Variants in PCDHGA6 observed in about 807,000 individuals in gnomAD.
PCDHGA6 encodes protocadherin gamma-A6.
PCDHGA6 carries 41 observed loss-of-function variants against 60.6 expected under a neutral mutation model. The observed-to-expected ratio is 0.68, with a 90% CI of 0.53 to 0.88. The LOEUF is 0.88. PCDHGA6 is among the 40% of genes least tolerant of loss of function. The pLI, the probability that PCDHGA6 is intolerant of heterozygous loss-of-function variation, is 0.00. For missense variants in PCDHGA6, 1,312 were observed against 1,203.0 expected (o/e 1.09, Z -1.34); for synonymous variants, 594 against 524.4 (o/e 1.13, Z -1.81).
intron 1 of PCDHGA6, among the ~76,000 whole-genome samples, chr5:141,437,164 T>C (rs1262289843): frequency 1.3e-5 from 2 of 152,226 alleles, no homozygotes; most frequent in Non-Finnish European, 2.9e-5. Flanking sequence ...GTGTTGATTG[T>C]TTTCTGAGAC....
At position 141,490,521 on chromosome 5, in the gene PCDHGA6, C is replaced by T. The variant is rs146064810; in HGVS notation, c.2425-4286C>T. The stretch of plus-strand genomic sequence containing the variant: ...ACTATATCATCGAGCTGCTGGCCAG[C>T]GATGCTGGTTCACCTTCCCTACACA... On this transcript the variant is annotated intron_variant, in intron 1 of 3. Coordinates refer to ENST00000517434, the MANE Select transcript of PCDHGA6 (RefSeq NM_018919.3). This position sits in a 1 kb window ranked among gnomAD's most constrained non-coding sequence, Gnocchi z 5.4. The T allele has an allele frequency of 1.0e-4, 166 of 1,614,058 alleles. No individual in the cohort carries two copies. In the African/African-American group the frequency reaches 1.7e-3, roughly 16 times the overall value.
chr5:141,424,184 C>A, intron 1 of PCDHGA6: 1 of 199,136 alleles, frequency 5.0e-6, no homozygotes, highest in Non-Finnish European at 9.9e-6. Context: ...TACACATGCA[C>A]ACACACTTAT....
chr5:141,400,965 CTCTT>C (rs2094096418), intron 1 of PCDHGA6, among the ~76,000 whole-genome samples: 1 of 151,032 alleles, frequency 6.6e-6, no homozygotes, highest in Non-Finnish European at 1.5e-5. Flanking sequence ...TAGTTTTCAT[CTCTT>C]TCTTATGTTC....
chr5:141,431,023 C>G lies in PCDHGA6; in HGVS notation c.2424+54516C>G. 6.2e-7 allele frequency: 1 copy of G among 1,613,748 alleles called. No homozygotes were observed. Among genetic ancestry groups the G allele is most frequent in the Non-Finnish European group, 8.5e-7 (1 of 1,179,820 alleles). On this transcript the variant is annotated intron_variant, in intron 1 of 3. Transcript: ENST00000517434. This position sits in a 1 kb window ranked among gnomAD's most constrained non-coding sequence, Gnocchi z 4.8. ...GCAGCGGCAGCTTGGTCACGGCGGG[C>G]AGGATAGACCGGGAGGAGCTCTGTA...
In PCDHGA6 at chr5:141,431,370, A is replaced by G; in HGVS notation, c.2424+54863A>G. ...CTGAAACGCGCCCTGGACCGCGAAG[A>G]AAAGGCTGCTCACCACCTGGTCCTT... is the stretch of plus-strand genomic sequence containing the variant. On this transcript the variant is annotated intron_variant, in intron 1 of 3. Coordinates refer to ENST00000517434, the MANE Select transcript of PCDHGA6 (RefSeq NM_018919.3). The surrounding 1 kb of genome is among the most constrained non-coding windows in gnomAD (Gnocchi z 4.8). 1 of 1,613,946 alleles carries G rather than the reference A, an allele frequency of 6.2e-7. No homozygotes were observed. The highest frequency in any genetic ancestry group is 8.5e-7 in the Non-Finnish European group (1 of 1,180,014).
chr5:141,450,977 A>G (rs2098702822), intron 1 of PCDHGA6, among the ~76,000 whole-genome samples: 1 of 151,760 alleles, frequency 6.6e-6, no homozygotes, highest in African/African-American at 2.4e-5. Context: ...GGCATGTGCC[A>G]CCACACCCGG....
Position 141,489,391 on chromosome 5 carries a change from G to C in PCDHGA6, c.2425-5416G>C. 6.2e-7 allele frequency: 1 copy of C among 1,614,174 alleles called. No individual in the cohort carries two copies. The highest frequency in any genetic ancestry group is 8.5e-7 in the Non-Finnish European group (1 of 1,180,022). ...GACGCTGGTGGGGAATGTTGCTCAG[G>C]ATCTGGGCTTAAAGATGACAGATCT... On this transcript the variant is annotated intron_variant, in intron 1 of 3. Transcript: ENST00000517434. This position sits in a 1 kb window ranked among gnomAD's most constrained non-coding sequence, Gnocchi z 4.5.
At chr5:141,423,264 C>G (rs1452323474) in intron 1 of PCDHGA6, 1 of 1,613,986 alleles carries the variant, frequency 6.2e-7, no homozygotes. Flanking sequence ...TCGGCAGCCT[C>G]GAGTCTCTGG....
intron 1 of PCDHGA6, chr5:141,389,992 T>C (rs1454071261): frequency 6.2e-7 from 1 of 1,614,010 alleles, no homozygotes; most frequent in South Asian, 1.1e-5. Flanking sequence ...CTCTTCCTCG[T>C]GGCCATGATT....
rs191642740 is a variant in PCDHGA6 at position 141,509,833 on chromosome 5, C to T, written c.2573-1114C>T. On this transcript the variant is annotated intron_variant, in intron 3 of 3. Coordinates refer to ENST00000517434, the MANE Select transcript of PCDHGA6 (RefSeq NM_018919.3). ...GAGCTCTTCTCCATCTTCTCTCTAC[C>T]TCCCATTCACTCAGAACAGGGATAA... 2.6e-5 allele frequency among the ~76,000 whole-genome samples: 4 copies of T among 152,300 alleles called. No individual in the cohort carries two copies. The East Asian group carries it at 7.7e-4, about 29-fold the overall frequency.
At chr5:141,444,205 CTT>C in intron 1 of PCDHGA6, among the ~76,000 whole-genome samples, 1 of 77,932 alleles carries the variant, frequency 1.3e-5, no homozygotes. Context: ...GAGTTTCACT[CTT>C]GTTGCCCAGG....
chr5:141,493,808 C>T lies in PCDHGA6; in HGVS notation c.2425-999C>T, dbSNP rs2099750260. On this transcript the variant is annotated intron_variant, in intron 1 of 3. Transcript: ENST00000517434. The surrounding 1 kb of genome is among the most constrained non-coding windows in gnomAD (Gnocchi z 4.3). ...CTTCTCCCTGGAGTAATCTGAGATA[C>T]TCACACTCTCTGCTTCTGGGAGCAA... is the stretch of plus-strand genomic sequence containing the variant. 6.6e-6 allele frequency among the ~76,000 whole-genome samples: 1 copy of T among 152,200 alleles called. No individual in the cohort carries two copies. The highest frequency in any genetic ancestry group is 1.5e-5 in the Non-Finnish European group (1 of 68,042).
intron 1 of PCDHGA6, among the ~76,000 whole-genome samples, chr5:141,474,116 A>G (rs2099342954): frequency 1.3e-5 from 2 of 152,234 alleles, no homozygotes; most frequent in African/African-American, 4.8e-5. Flanking sequence ...AACAACAACG[A>G]AAATCTCAGA....
At chr5:141,500,223 T>G (rs1034982746) in intron 2 of PCDHGA6, among the ~76,000 whole-genome samples, 16 of 145,318 alleles carry the variant, frequency 1.1e-4, no homozygotes, top group African/African-American at 3.4e-4. Context: ...TTTATTTATT[T>G]ATTGATACGT....
chr5:141,496,523 G>T (rs1159517569), intron 2 of PCDHGA6, among the ~76,000 whole-genome samples: 1 of 152,128 alleles, frequency 6.6e-6, no homozygotes, highest in Non-Finnish European at 1.5e-5. Context: ...GGAGCCCTTG[G>T]TGTATGGCAG....
rs777668071 is a variant in PCDHGA6 at position 141,491,848 on chromosome 5, C to G, written c.2425-2959C>G. The G allele has an allele frequency of 3.4e-6, 5 of 1,461,482 alleles. No homozygotes were observed. The highest frequency in any genetic ancestry group is 4.5e-6 in the Non-Finnish European group (5 of 1,104,578). 90.5% of individuals were successfully genotyped at this position (1,461,482 alleles called of 1,614,324 possible). A position where few individuals can be genotyped will look rare whatever the true frequency, so the allele number is the denominator to read the frequency against. ...CACCCGATTCTCGGGATCATTGGAC[C>G]GTTTGCGCGAAACCAGAGTGGCCGA... On this transcript the variant is annotated intron_variant, in intron 1 of 3. Transcript: ENST00000517434. The surrounding 1 kb of genome is among the most constrained non-coding windows in gnomAD (Gnocchi z 6.9).
At chr5:141,380,140 T>C (rs1776247193) in intron 1 of PCDHGA6, among the ~76,000 whole-genome samples, 1 of 151,998 alleles carries the variant, frequency 6.6e-6, no homozygotes, top group Non-Finnish European at 1.5e-5. Context: ...CCTTAAGTGA[T>C]CCACCCGCCT....
Position 141,490,509 on chromosome 5 carries a change from G to A in PCDHGA6, c.2425-4298G>A. 6.2e-7 allele frequency: 1 copy of A among 1,614,072 alleles called. No individual in the cohort carries two copies. On this transcript the variant is annotated intron_variant, in intron 1 of 3. Transcript: ENST00000517434. The surrounding 1 kb of genome is among the most constrained non-coding windows in gnomAD (Gnocchi z 5.4). ...AGGCCACATCCCACTATATCATCGA[G>A]CTGCTGGCCAGCGATGCTGGTTCAC...
chr5:141,410,540 G>C (rs1301173391), intron 1 of PCDHGA6: 1 of 1,613,702 alleles, frequency 6.2e-7, no homozygotes. Context: ...TGAAGACATG[G>C]TTTGCAGTGT....
Sources: allele counts gnomAD v4.1 joint callset (sites outside exome capture counted in the v4.1 genomes callset), GRCh38; gene constraint gnomAD v4.1.1; non-coding constraint Gnocchi (gnomAD v3.1); transcripts MANE v1.5; gene names NCBI Gene and HGNC (gene_info 2026-07-23, HGNC 2026-07-21).